CEP112: variants seen among roughly 807,000 people sequenced by gnomAD.
The protein encoded by CEP112 is centrosomal protein 112, also known as centrosomal protein of 112 kDa.
A neutral mutation model predicts 153.0 loss-of-function variants in CEP112; 127 were observed. That is an observed-to-expected ratio of 0.83 (90% CI 0.72 to 0.96). CEP112 has a LOEUF of 0.96. Among genes scored for constraint, CEP112 ranks in the 40% least tolerant of loss-of-function variants. The pLI, the probability that CEP112 is intolerant of heterozygous loss-of-function variation, is 0.00. For missense variants in CEP112, 1,089 were observed against 1,101.2 expected (o/e 0.99, Z 0.16); for synonymous variants, 358 against 374.4 (o/e 0.96, Z 0.51).
intron 4 of CEP112, among the ~76,000 whole-genome samples, chr17:66,140,119 C>A (rs1027274278): frequency 1.3e-5 from 2 of 152,052 alleles, no homozygotes; most frequent in African/African-American, 4.8e-5. Context: ...CAGGATGGTA[C>A]AATATATGCT....
chr17:65,689,274 T>A, intron 23 of CEP112, 56 bp from the exon 24 acceptor site: 3 of 1,285,412 alleles, frequency 2.3e-6, no homozygotes, highest in Non-Finnish European at 3.4e-6. Context: ...GGAAAAATAG[T>A]TCTACACCAT....
At chr17:65,900,638 T>C (rs1473094541) in intron 20 of CEP112, among the ~76,000 whole-genome samples, 2 of 152,116 alleles carry the variant, frequency 1.3e-5, no homozygotes, top group South Asian at 2.1e-4. Flanking sequence ...AATTCTACTA[T>C]GCAAACAAAT....
intron 21 of CEP112, among the ~76,000 whole-genome samples, chr17:65,781,768 C>A (rs532143297): frequency 1.3e-5 from 2 of 152,140 alleles, no homozygotes; most frequent in Non-Finnish European, 2.9e-5. Flanking sequence ...ACTCCGTATT[C>A]AAAAAATGGT....
intron 21 of CEP112, among the ~76,000 whole-genome samples, chr17:65,757,491 A>G (rs2052356318): frequency 1.3e-5 from 2 of 152,360 alleles, no homozygotes; most frequent in South Asian, 2.1e-4. Flanking sequence ...GAAATCCAGT[A>G]TGAGTCCCAG....
intron 16 of CEP112, among the ~76,000 whole-genome samples, chr17:66,025,604 T>C (rs1006401951): frequency 2.0e-5 from 3 of 151,982 alleles, no homozygotes; most frequent in Non-Finnish European, 4.4e-5. Flanking sequence ...CAATGAGATA[T>C]CATCTTATTC....
chr17:66,171,454 C>G (rs1379103434), intron 4 of CEP112, among the ~76,000 whole-genome samples: 1 of 152,128 alleles, frequency 6.6e-6, no homozygotes, highest in Non-Finnish European at 1.5e-5. Flanking sequence ...TTATAAGCCT[C>G]TTAAACTTTT....
At chr17:65,645,659 T>C (rs1353349047) in intron 24 of CEP112, among the ~76,000 whole-genome samples, 2 of 152,242 alleles carry the variant, frequency 1.3e-5, no homozygotes, top group African/African-American at 4.8e-5. Context: ...TGTTTAAATG[T>C]GTTTTGTGAA....
intron 22 of CEP112, among the ~76,000 whole-genome samples, chr17:65,746,834 A>C (rs1174077659): frequency 2.0e-5 from 3 of 152,218 alleles, no homozygotes; most frequent in African/African-American, 7.2e-5. Flanking sequence ...ATCATAATTA[A>C]AAACCATAGA....
At chr17:66,073,542 T>C (rs1357851088) in intron 8 of CEP112, among the ~76,000 whole-genome samples, 1 of 152,202 alleles carries the variant, frequency 6.6e-6, no homozygotes, top group Non-Finnish European at 1.5e-5. Flanking sequence ...CAGGTTAAAG[T>C]GCTGGGAAGC....
chr17:66,188,286 A>C lies in CEP112; in HGVS notation c.-9+3711T>G, dbSNP rs7225696. Among the ~76,000 whole-genome samples, 788 of 109,466 alleles carry C rather than the reference A, an allele frequency of 7.2e-3. 8 individuals are homozygous for C. Among genetic ancestry groups the C allele is most frequent in the Non-Finnish European group, 8.7e-3 (408 of 47,148 alleles). The allele number at this position is 109,466 out of a possible 152,430, so 71.8% of individuals were successfully genotyped here. ...GCCTGTCTCTCACACCACACACACAAACACACACACACACACACACACACA... is the reference window on the plus strand; with the variant it reads ...GCCTGTCTCTCACACCACACACACACACACACACACACACACACACACACA... On this transcript the variant is annotated intron_variant, in intron 1 of 26. Transcript: ENST00000535342.
intron 24 of CEP112, among the ~76,000 whole-genome samples, chr17:65,664,307 C>T (rs1447376324): frequency 6.6e-6 from 1 of 152,068 alleles, no homozygotes; most frequent in African/African-American, 2.4e-5. Flanking sequence ...AGCTGAGCAC[C>T]CACACTTGGC....
At chr17:65,789,074 G>A (rs199718526) in intron 21 of CEP112, among the ~76,000 whole-genome samples, 1 of 151,994 alleles carries the variant, frequency 6.6e-6, no homozygotes, top group African/African-American at 2.4e-5. Context: ...CTACAGCCTT[G>A]GTACCCAGAT....
At chr17:65,989,033 G>T (rs1384643148) in intron 17 of CEP112, among the ~76,000 whole-genome samples, 1 of 151,670 alleles carries the variant, frequency 6.6e-6, no homozygotes, top group Admixed American at 6.6e-5. Context: ...GACCACCCTG[G>T]CTGACACATG....
intron 21 of CEP112, among the ~76,000 whole-genome samples, chr17:65,847,349 T>C (rs1887286863): frequency 6.6e-6 from 1 of 152,216 alleles, no homozygotes; most frequent in Admixed American, 6.5e-5. Flanking sequence ...TCCAATTCTA[T>C]AGGAACAAAT....
intron 18 of CEP112, chr17:65,941,571 T>C (rs1351138888): frequency 6.6e-6 from 1 of 152,182 alleles, no homozygotes; most frequent in Non-Finnish European, 1.5e-5. Flanking sequence ...ATACACAACA[T>C]TCTGCTTCAT....
chr17:65,918,142 T>C (rs1029264003), intron 19 of CEP112, among the ~76,000 whole-genome samples: 11 of 144,384 alleles, frequency 7.6e-5, no homozygotes, highest in Admixed American at 2.2e-4. Flanking sequence ...ATTGCGCCAC[T>C]GCACTCCAGC....
intron 23 of CEP112, among the ~76,000 whole-genome samples, chr17:65,736,118 T>C (rs1414503279): frequency 6.6e-6 from 1 of 152,156 alleles, no homozygotes; most frequent in Non-Finnish European, 1.5e-5. Flanking sequence ...AAGATGATGA[T>C]GATCTGACCT....
intron 12 of CEP112, among the ~76,000 whole-genome samples, chr17:66,038,007 G>A (rs2065807674): frequency 6.7e-6 from 1 of 149,220 alleles, no homozygotes; most frequent in South Asian, 2.1e-4. Flanking sequence ...GGAAGTCCTG[G>A]GGCTGTACCA....
chr17:66,105,886 C>T (rs1430687002), intron 6 of CEP112, among the ~76,000 whole-genome samples: 1 of 152,132 alleles, frequency 6.6e-6, no homozygotes, highest in African/African-American at 2.4e-5. Context: ...CAAGGACAGA[C>T]TGTATGTTAG....
Sources: gnomAD v4.1 joint callset for allele counts (sites outside exome capture counted in the v4.1 genomes callset) on GRCh38, gnomAD v4.1.1 for gene constraint, MANE v1.5 for transcripts, NCBI Gene and HGNC (gene_info 2026-07-23, HGNC 2026-07-21) for gene names.